Variants in ZNF385D observed in about 807,000 individuals in gnomAD.
The protein encoded by ZNF385D is zinc finger protein 659.
In ZNF385D, 15 loss-of-function variants were observed where a neutral mutation model predicts 35.8. That is an observed-to-expected ratio of 0.42 (90% CI 0.28 to 0.64). The LOEUF (loss-of-function observed/expected upper bound fraction) is 0.64, where lower values mean the gene tolerates loss of function less well. ZNF385D is among the 30% of genes least tolerant of loss of function. The pLI, the probability that ZNF385D is intolerant of heterozygous loss-of-function variation, is 0.23. For synonymous variants in ZNF385D, 212 were observed against 186.8 expected, an observed-to-expected ratio of 1.13 and a Z score of -1.10; for missense variants, 474 against 494.6, an observed-to-expected ratio of 0.96 and a Z score of 0.39.
At position 21,519,217 on chromosome 3, in the gene ZNF385D, A is replaced by G. The variant is rs1042220103; in HGVS notation, c.277-8194T>C. Among the ~76,000 whole-genome samples the G allele has an allele frequency of 5.9e-5, 9 of 152,288 alleles. No individual in the cohort carries two copies. In the South Asian group the frequency reaches 6.2e-4, roughly 11 times the overall value. On this transcript the variant is annotated intron_variant, in intron 3 of 7. Transcript: ENST00000281523. ...AAAGAAACATTCTAAATACACATGA[A>G]GAAGAGGAAGAGAAGCATGTCACAA...
intron 2 of ZNF385D, among the ~76,000 whole-genome samples, chr3:22,187,606 C>A (rs1298001895): frequency 6.6e-6 from 1 of 152,002 alleles, no homozygotes; most frequent in Non-Finnish European, 1.5e-5. Flanking sequence ...ACAAAGTTCT[C>A]ATGAGGAATA....
chr3:22,260,194 A>T (rs889387597), intron 2 of ZNF385D, among the ~76,000 whole-genome samples: 1 of 152,034 alleles, frequency 6.6e-6, no homozygotes, highest in Non-Finnish European at 1.5e-5. Context: ...TTAATATTGT[A>T]TCCAAGAAAT....
At chr3:22,125,697 T>C (rs1413273222) in intron 3 of ZNF385D, among the ~76,000 whole-genome samples, 2 of 152,096 alleles carry the variant, frequency 1.3e-5, no homozygotes, top group Non-Finnish European at 2.9e-5. Context: ...ATAAATGAAA[T>C]TATATTCTTG....
At chr3:22,292,370 TTAAG>T (rs1420671846) in intron 2 of ZNF385D, among the ~76,000 whole-genome samples, 1 of 152,068 alleles carries the variant, frequency 6.6e-6, no homozygotes, top group African/African-American at 2.4e-5. Context: ...TAATCTGCAA[TTAAG>T]TGTTATACAA....
intron 3 of ZNF385D, among the ~76,000 whole-genome samples, chr3:22,108,883 G>C (rs1240386942): frequency 2.0e-5 from 3 of 152,050 alleles, no homozygotes; most frequent in Non-Finnish European, 4.4e-5. Flanking sequence ...GCGGTGGTAG[G>C]TGCTTGTAGT....
intron 2 of ZNF385D, among the ~76,000 whole-genome samples, chr3:22,319,309 A>G (rs1704068678): frequency 6.6e-6 from 1 of 152,004 alleles, no homozygotes; most frequent in African/African-American, 2.4e-5. Flanking sequence ...ATGTTTTAAA[A>G]AGTCACAAGA....
chr3:21,960,404 T>G (rs1430173171), intron 3 of ZNF385D, among the ~76,000 whole-genome samples: 2 of 152,082 alleles, frequency 1.3e-5, no homozygotes, highest in Non-Finnish European at 2.9e-5. Context: ...TCACCCCAGT[T>G]AGAATGGCTA....
chr3:21,702,825 C>T (rs1041766536), intron 1 of ZNF385D, among the ~76,000 whole-genome samples: 3 of 152,206 alleles, frequency 2.0e-5, no homozygotes, highest in Non-Finnish European at 4.4e-5. Context: ...CGAGAGTCAC[C>T]TTTGCTTCAG....
chr3:21,776,183 A>G (rs1033307904), intron 3 of ZNF385D, among the ~76,000 whole-genome samples: 1 of 151,852 alleles, frequency 6.6e-6, no homozygotes, highest in African/African-American at 2.4e-5. Context: ...ACACTTAGAT[A>G]TTTTCCAAAT....
intron 2 of ZNF385D, among the ~76,000 whole-genome samples, chr3:22,325,722 C>T (rs1421041234): frequency 6.6e-6 from 1 of 152,144 alleles, no homozygotes; most frequent in Non-Finnish European, 1.5e-5. Flanking sequence ...CACGCCATTG[C>T]ACTCCAGAGT....
At chr3:21,733,152 C>CAAAAGT (rs2069093080) in intron 1 of ZNF385D, among the ~76,000 whole-genome samples, 3 of 151,858 alleles carry the variant, frequency 2.0e-5, no homozygotes, top group Admixed American at 2.0e-4. Flanking sequence ...AAGACTTTTT[C>CAAAAGT]CATTATATTT....
chr3:21,876,649 T>C lies in ZNF385D; in HGVS notation c.326-211621A>G, dbSNP rs145626992. The stretch of plus-strand genomic sequence containing the variant: ...GAACAGCTTTTCCATAATGATTTCA[T>C]GGATAGAAAATAGTACAGGGGTTAG... On this transcript the variant is annotated intron_variant, in intron 3 of 5. Transcript: ENST00000494108. Among the ~76,000 whole-genome samples the C allele has an allele frequency of 4.2e-4, 64 of 151,972 alleles. No individual in the cohort carries two copies. The East Asian group carries it at 0.01, about 24-fold the overall frequency.
At chr3:22,101,917 C>CA (rs1251976150) in intron 3 of ZNF385D, among the ~76,000 whole-genome samples, 1 of 151,184 alleles carries the variant, frequency 6.6e-6, no homozygotes, top group Non-Finnish European at 1.5e-5. Context: ...ACTCAAGTAA[C>CA]AGAGTAAGTT....
rs151306808 is a variant in ZNF385D, at chr3:21,593,951, T to C, written c.166-29267A>G. Among the ~76,000 whole-genome samples, 667 of 152,238 alleles carry C rather than the reference T, an allele frequency of 4.4e-3. 4 individuals are homozygous for C. Among genetic ancestry groups the C allele is most frequent in the African/African-American group, 0.014 (596 of 41,550 alleles). ...TGCTGCTTCCTGTCTAAATCCTGGC[T>C]TCCCAGAGCAAAGCTTGACCTAGTA... On this transcript the variant is annotated intron_variant, in intron 2 of 7. Transcript: ENST00000281523.
At chr3:22,357,805 T>C (rs1385255439) in intron 2 of ZNF385D, among the ~76,000 whole-genome samples, 1 of 151,890 alleles carries the variant, frequency 6.6e-6, no homozygotes, top group Non-Finnish European at 1.5e-5. Context: ...GACATATCAC[T>C]TCCATTCACA....
At chr3:21,797,940 A>G (rs768063271) in intron 3 of ZNF385D, among the ~76,000 whole-genome samples, 1 of 152,222 alleles carries the variant, frequency 6.6e-6, no homozygotes, top group African/African-American at 2.4e-5. Flanking sequence ...ATACCATTAT[A>G]CATTTGTCTA....
intron 3 of ZNF385D, among the ~76,000 whole-genome samples, chr3:21,899,334 C>T (rs1375039760): frequency 1.3e-5 from 2 of 152,120 alleles, no homozygotes; most frequent in African/African-American, 2.4e-5. Flanking sequence ...ATCAAGATTC[C>T]TTTCACGAGG....
chr3:22,031,657 G>C (rs1698010703), intron 3 of ZNF385D, among the ~76,000 whole-genome samples: 1 of 152,124 alleles, frequency 6.6e-6, no homozygotes, highest in Non-Finnish European at 1.5e-5. Flanking sequence ...CTGCTGAGAA[G>C]ATCTCTGACA....
chr3:21,756,844 C>T (rs2070360781), intron 3 of ZNF385D, among the ~76,000 whole-genome samples: 1 of 152,114 alleles, frequency 6.6e-6, no homozygotes, highest in African/African-American at 2.4e-5. Context: ...ATAAGCTGTC[C>T]ATACGGAAAC....
Sources: gnomAD v4.1 joint callset for allele counts (sites outside exome capture counted in the v4.1 genomes callset) on GRCh38, gnomAD v4.1.1 for gene constraint, MANE v1.5 for transcripts, NCBI Gene and HGNC (gene_info 2026-07-23, HGNC 2026-07-21) for gene names.